PARVG: variants seen among roughly 807,000 people sequenced by gnomAD.
PARVG encodes the protein gamma-parvin.
PARVG carries 36 observed loss-of-function variants against 44.4 expected under a neutral mutation model. That is an observed-to-expected ratio of 0.81 (90% CI 0.62 to 1.07). PARVG has a LOEUF of 1.07. Among genes scored for constraint, PARVG ranks in the 50% least tolerant of loss-of-function variants. PARVG has a pLI of 0.00. For synonymous variants in PARVG, 170 were observed against 174.1 expected (o/e 0.98, Z 0.19); for missense variants, 407 against 407.4 (o/e 1.00, Z 0.01).
At chr22:44,191,997 G>A in intron 7 of PARVG, 52 bp from the exon 8 acceptor site, 9 of 1,586,318 alleles carry the variant, frequency 5.7e-6, no homozygotes, top group South Asian at 3.3e-5. Context: ...GGCTTCTTTG[G>A]GCCCCAGAGT....
rs1172560208 is a variant in PARVG at position 44,182,187 on chromosome 22, C to T, written c.-13+270C>T. Among the ~76,000 whole-genome samples the T allele has an allele frequency of 5.9e-5, 9 of 152,128 alleles. No individual in the cohort carries two copies. On this transcript the variant is annotated intron_variant, in intron 2 of 13. Coordinates refer to ENST00000444313, the MANE Select transcript of PARVG (RefSeq NM_022141.7). The surrounding 1 kb of genome is among the most constrained non-coding windows in gnomAD (Gnocchi z 4.6). Reference sequence around the variant, plus strand: ...GTCTCCAGGTGAAGAAACTGAGGCCCTGGGGCCAGGAAGGGGCTTGCCCAG... The same window carrying T: ...GTCTCCAGGTGAAGAAACTGAGGCCTTGGGGCCAGGAAGGGGCTTGCCCAG...
chr22:44,186,311 G>A (rs565959067), intron 4 of PARVG: 4 of 327,032 alleles, frequency 1.2e-5, no homozygotes, highest in South Asian at 7.4e-5. Context: ...AGGTGGTGGT[G>A]GTGGGCCTGG....
At chr22:44,194,923 A>G (rs563172522) in intron 9 of PARVG, among the ~76,000 whole-genome samples, 1 of 152,180 alleles carries the variant, frequency 6.6e-6, no homozygotes, top group African/African-American at 2.4e-5. Flanking sequence ...CCACCCATTC[A>G]TCTATCTACC....
rs1280195448 is a variant in PARVG, at chr22:44,190,682, C to T, written c.504+16C>T. ...CACTATCGAGGTAGCAGCCTGGGCCCCAGGGATTTGTAAGCAGAAGCTGAG... is the reference window on the plus strand; with the variant it reads ...CACTATCGAGGTAGCAGCCTGGGCCTCAGGGATTTGTAAGCAGAAGCTGAG... On this transcript the variant is annotated intron_variant, in intron 7 of 13. Coordinates refer to ENST00000444313, the MANE Select transcript of PARVG (RefSeq NM_022141.7). 1.3e-6 allele frequency: 2 copies of T among 1,591,080 alleles called. No individual in the cohort carries two copies. The highest frequency in any genetic ancestry group is 1.3e-5 in the African/African-American group (1 of 74,444).
rs2147245535 is a variant in PARVG, at chr22:44,208,360, C to T, written c.*1934C>T. 1 of 152,344 alleles carries T rather than the reference C, an allele frequency of 6.6e-6. No homozygotes were observed. Among genetic ancestry groups the T allele is most frequent in the East Asian group, 1.9e-4 (1 of 5,186 alleles). The allele number at this position is 152,344 out of a possible 1,614,324, so 9.4% of individuals were successfully genotyped here. A position where few individuals can be genotyped will look rare whatever the true frequency, so the allele number is the denominator to read the frequency against. On this transcript the variant is annotated 3_prime_UTR_variant, in exon 14 of 14. Coordinates refer to ENST00000444313, the MANE Select transcript of PARVG (RefSeq NM_022141.7). ...TCACCATGCAAGTTTCTGCATCTGT[C>T]TGCAGCCAGTTCCCTTCTCCCAGCC... is the stretch of plus-strand genomic sequence containing the variant.
intron 9 of PARVG, among the ~76,000 whole-genome samples, chr22:44,195,171 G>A (rs1425031458): frequency 3.3e-5 from 5 of 152,158 alleles, no homozygotes; most frequent in East Asian, 1.9e-4. Flanking sequence ...ATCTGTGTAT[G>A]TAGCAGGAGG....
intron 1 of PARVG, chr22:44,173,315 G>T: frequency 1.2e-6 from 1 of 858,752 alleles, no homozygotes; most frequent in Non-Finnish European, 1.6e-6. Context: ...ATGATGTGAC[G>T]TCACTGGGCC....
upstream of PARVG, among the ~76,000 whole-genome samples, chr22:44,176,386 G>A (rs2054319149): frequency 6.6e-6 from 1 of 152,182 alleles, no homozygotes; most frequent in Non-Finnish European, 1.5e-5. Context: ...AATTCTGTAT[G>A]TGTCTGGTAC....
Position 44,204,481 on chromosome 22 carries a change from A to G in PARVG, c.814-1276A>G, listed in dbSNP as rs866573572. On this transcript the variant is annotated intron_variant, in intron 12 of 13. Coordinates refer to ENST00000444313, the MANE Select transcript of PARVG (RefSeq NM_022141.7). ...CGAGGTCAGACACTTAGTGGCAGGG[A>G]TGGGGGTGGCAGTACACAGACATCC... Among the ~76,000 whole-genome samples the G allele has an allele frequency of 5.5e-3, 839 of 152,272 alleles. 8 individuals are homozygous for G. Among genetic ancestry groups the G allele is most frequent in the African/African-American group, 0.019 (799 of 41,568 alleles).
chr22:44,188,200 C>T lies in PARVG; in HGVS notation c.247+322C>T, dbSNP rs892933882. ...GGGAGGTAACAAAAGAACCCATGAT[C>T]CCTGCCCTCGGGCTGCCCTAGGCTG... is the stretch of plus-strand genomic sequence containing the variant. On this transcript the variant is annotated intron_variant, in intron 5 of 13. Coordinates refer to ENST00000444313, the MANE Select transcript of PARVG (RefSeq NM_022141.7). The T allele has an allele frequency of 1.9e-5, 7 of 363,650 alleles. 1 individual carries two copies. Among genetic ancestry groups the T allele is most frequent in the East Asian group, 1.1e-4 (2 of 17,850 alleles). The allele number at this position is 363,650 out of a possible 1,614,324, so 22.5% of individuals were successfully genotyped here. A position where few individuals can be genotyped will look rare whatever the true frequency, so the allele number is the denominator to read the frequency against.
At position 44,206,547 on chromosome 22, in the gene PARVG, CCT is replaced by C. The variant is rs2054784848; in HGVS notation, c.*122_*123del. 1 of 780,772 alleles carries C rather than the reference CCT, an allele frequency of 1.3e-6. No homozygotes were observed. Among genetic ancestry groups the C allele is most frequent in the African/African-American group, 1.7e-5 (1 of 57,376 alleles). The allele number at this position is 780,772 out of a possible 1,614,324, so 48.4% of individuals were successfully genotyped here. On this transcript the variant is annotated 3_prime_UTR_variant, in exon 14 of 14. Transcript: ENST00000444313. ...CATTCGTGACCCGCTTCCCTCCCACCCTGTCTCCTGTCTCCATCGTTGGATTA... is the reference window on the plus strand; with the variant it reads ...CATTCGTGACCCGCTTCCCTCCCACCGTCTCCTGTCTCCATCGTTGGATTA...
chr22:44,190,521 G>T, intron 6 of PARVG, 30 bp from the exon 7 acceptor site: 2 of 1,577,256 alleles, frequency 1.3e-6, no homozygotes, highest in Non-Finnish European at 8.7e-7. Flanking sequence ...CGGCCTCCTG[G>T]GCTCTGACCT....
intron 3 of PARVG, chr22:44,184,907 AT>A (rs67494053): frequency 5.3e-5 from 8 of 151,690 alleles, no homozygotes; most frequent in African/African-American, 1.9e-4. Flanking sequence ...ACTGATTTAA[AT>A]TACTAAAAGT....
intron 1 of PARVG, among the ~76,000 whole-genome samples, chr22:44,175,687 G>A (rs2054312252): frequency 6.6e-6 from 1 of 152,214 alleles, no homozygotes; most frequent in Admixed American, 6.5e-5. Context: ...TTGGGTGTGG[G>A]GGGGTGGGGG....
chr22:44,195,966 C>T (rs2147233156), intron 9 of PARVG, 189 bp from the exon 10 acceptor site: 1 of 618,338 alleles, frequency 1.6e-6, no homozygotes, highest in South Asian at 2.0e-5. Context: ...GACGGTGACT[C>T]CCCTGGGGCC....
upstream of PARVG, among the ~76,000 whole-genome samples, chr22:44,180,257 C>T (rs961063101): frequency 6.6e-6 from 1 of 152,164 alleles, no homozygotes; most frequent in Admixed American, 6.5e-5. Flanking sequence ...CCTTCACCCT[C>T]TAGGTTTTGA....
chr22:44,187,859 C>A lies in PARVG; in HGVS notation c.228C>A (p.Leu76=). 6.2e-7 allele frequency: 1 copy of A among 1,614,248 alleles called. No individual in the cohort carries two copies. The highest frequency in any genetic ancestry group is 8.5e-7 in the Non-Finnish European group (1 of 1,180,044). The part of the protein sequence containing the change: ...RSLEEDMFDG[L]ILHHLFQRLA... ...TGGAGGAGGACATGTTCGACGGGCT[C>A]ATCCTACACCACCTATTCCGTAAGT... Residue 76 remains leucine, a synonymous_variant, in exon 5 of 14, where the codon CTC becomes CTA. Coordinates refer to ENST00000444313, the MANE Select transcript of PARVG (RefSeq NM_022141.7).
intron 8 of PARVG, among the ~76,000 whole-genome samples, chr22:44,192,441 T>C (rs924451021): frequency 1.3e-5 from 2 of 152,334 alleles, no homozygotes; most frequent in South Asian, 4.1e-4. Flanking sequence ...CTGTAAGAGT[T>C]AGAGGCCCCT....
upstream of PARVG, among the ~76,000 whole-genome samples, chr22:44,178,270 A>G (rs1300694365): frequency 6.6e-6 from 1 of 152,188 alleles, no homozygotes; most frequent in African/African-American, 2.4e-5. Context: ...TTAAGAGGCG[A>G]GTCAGATCTG....
Sources: allele counts gnomAD v4.1 joint callset (sites outside exome capture counted in the v4.1 genomes callset), GRCh38; gene constraint gnomAD v4.1.1; non-coding constraint Gnocchi (gnomAD v3.1); transcripts MANE v1.5; gene names NCBI Gene and HGNC (gene_info 2026-07-23, HGNC 2026-07-21).